Variants in CCDC85A observed in about 807,000 individuals in gnomAD.
CCDC85A encodes the protein coiled-coil domain containing 85A, also known as coiled-coil domain-containing protein 85A.
CCDC85A carries 38 observed loss-of-function variants against 50.2 expected under a neutral mutation model. The ratio of observed to expected loss-of-function variants is 0.76; its 90% CI spans 0.58 to 0.99. CCDC85A has a LOEUF of 0.99. Ranked by LOEUF, CCDC85A falls within the 50% of genes least tolerant of loss-of-function variation. The probability of loss-of-function intolerance (pLI) is 0.00; values close to 1 mark genes in which losing one functional copy is unlikely to be tolerated. For missense variants in CCDC85A, 820 were observed against 742.0 expected, an observed-to-expected ratio of 1.11 and a Z score of -1.22; for synonymous variants, 366 against 301.4, an observed-to-expected ratio of 1.21 and a Z score of -2.22.
chr2:56,236,633 A>G (rs79772040), intron 2 of CCDC85A, among the ~76,000 whole-genome samples: 1 of 152,182 alleles, frequency 6.6e-6, no homozygotes, highest in Admixed American at 6.5e-5. Flanking sequence ...TTTCCTTTCA[A>G]AATTTAAAAG....
chr2:56,279,284 A>T (rs1041599478), intron 2 of CCDC85A, among the ~76,000 whole-genome samples: 1 of 152,194 alleles, frequency 6.6e-6, no homozygotes, highest in Non-Finnish European at 1.5e-5. Context: ...TCACATATGC[A>T]GTTCACCCAC....
Position 56,384,268 on chromosome 2 carries a change from T to A in CCDC85A, c.1575T>A (p.Val525=), listed in dbSNP as rs1487848075. The change falls in exon 6 of 6, where the codon GTT becomes GTA. Residue 525 remains valine (V), a splice_region_variant and synonymous_variant. Coordinates refer to ENST00000407595, the MANE Select transcript of CCDC85A (RefSeq NM_001080433.2). The part of the protein sequence containing the change: ...QPEPVVHSLK[V]VWRKLGDAAG... ...CACTCCTTCTTTTTTTTTTTAAGGT[T>A]GTGTGGAGGAAACTTGGAGATGCTG... The A allele has an allele frequency of 6.2e-7, 1 of 1,610,672 alleles. No homozygotes were observed. The highest frequency in any genetic ancestry group is 8.5e-7 in the Non-Finnish European group (1 of 1,177,778).
chr2:56,347,812 T>C (rs1674704031), intron 3 of CCDC85A, among the ~76,000 whole-genome samples: 1 of 152,212 alleles, frequency 6.6e-6, no homozygotes, highest in Non-Finnish European at 1.5e-5. Flanking sequence ...TCAAAAACCT[T>C]GCTTAGCTCT....
At chr2:56,237,155 G>A (rs920750663) in intron 2 of CCDC85A, among the ~76,000 whole-genome samples, 4 of 152,012 alleles carry the variant, frequency 2.6e-5, no homozygotes, top group Non-Finnish European at 5.9e-5. Context: ...TCACCAAGAC[G>A]GCTAACTGCA....
At chr2:56,211,286 T>C (rs1287041965) in intron 2 of CCDC85A, among the ~76,000 whole-genome samples, 1 of 152,104 alleles carries the variant, frequency 6.6e-6, no homozygotes, top group Non-Finnish European at 1.5e-5. Flanking sequence ...GTAGATCCAC[T>C]GAAGTATGAG....
At chr2:56,205,481 A>G (rs769745903) in intron 2 of CCDC85A, among the ~76,000 whole-genome samples, 14 of 152,188 alleles carry the variant, frequency 9.2e-5, no homozygotes, top group Non-Finnish European at 1.6e-4. Flanking sequence ...GCCTTGACTA[A>G]TTAGGAAGCC....
chr2:56,373,422 A>T (rs1485652660), intron 4 of CCDC85A, among the ~76,000 whole-genome samples: 2 of 152,170 alleles, frequency 1.3e-5, no homozygotes, highest in Non-Finnish European at 2.9e-5. Flanking sequence ...TGGCCAGAAC[A>T]GGACTTTGTT....
At chr2:56,195,435 T>G (rs1178594514) in intron 2 of CCDC85A, among the ~76,000 whole-genome samples, 1 of 152,202 alleles carries the variant, frequency 6.6e-6, no homozygotes, top group East Asian at 1.9e-4. Flanking sequence ...CTACTTCAAG[T>G]TTTCTCATTC....
chr2:56,209,105 T>A (rs1490128653), intron 2 of CCDC85A, among the ~76,000 whole-genome samples: 3 of 152,114 alleles, frequency 2.0e-5, no homozygotes, highest in South Asian at 2.1e-4. Flanking sequence ...AGATTTGAAT[T>A]TGCTGCCTGA....
chr2:56,299,077 T>G (rs924541300), intron 2 of CCDC85A, among the ~76,000 whole-genome samples: 9 of 152,178 alleles, frequency 5.9e-5, no homozygotes, highest in African/African-American at 1.9e-4. Context: ...AATAAAGCTT[T>G]CCCCACCTGT....
At chr2:56,255,721 T>C (rs1250760638) in intron 2 of CCDC85A, among the ~76,000 whole-genome samples, 1 of 152,142 alleles carries the variant, frequency 6.6e-6, no homozygotes, top group African/African-American at 2.4e-5. Flanking sequence ...GATGGAATCA[T>C]GTGAGACTCT....
intron 2 of CCDC85A, among the ~76,000 whole-genome samples, chr2:56,233,865 G>T (rs1015996122): frequency 6.6e-5 from 10 of 152,030 alleles, no homozygotes; most frequent in African/African-American, 2.2e-4. Context: ...ATTCCATTTT[G>T]TTGAGTCCTG....
chr2:56,233,276 G>T (rs562316172), intron 2 of CCDC85A, among the ~76,000 whole-genome samples: 1 of 152,232 alleles, frequency 6.6e-6, no homozygotes, highest in African/African-American at 2.4e-5. Context: ...CATAACAGGG[G>T]ACTGAGGGGC....
intron 2 of CCDC85A, among the ~76,000 whole-genome samples, chr2:56,318,143 T>C (rs957141134): frequency 1.3e-5 from 2 of 152,158 alleles, no homozygotes; most frequent in Non-Finnish European, 2.9e-5. Flanking sequence ...ATCACTCAGC[T>C]GGTTTGAGAC....
intron 5 of CCDC85A, 117 bp from the exon 6 acceptor site, chr2:56,384,149 A>G: frequency 1.2e-6 from 1 of 838,630 alleles, no homozygotes; most frequent in South Asian, 1.6e-5. Context: ...TCATGTGGAT[A>G]TTTTGTCTCT....
At chr2:56,296,357 A>G (rs1346387791) in intron 2 of CCDC85A, among the ~76,000 whole-genome samples, 1 of 152,204 alleles carries the variant, frequency 6.6e-6, no homozygotes, top group Non-Finnish European at 1.5e-5. Context: ...TAACATACCT[A>G]CTGAAAAGTT....
At chr2:56,188,368 T>C (rs1453260948) in intron 1 of CCDC85A, among the ~76,000 whole-genome samples, 1 of 152,202 alleles carries the variant, frequency 6.6e-6, no homozygotes, top group African/African-American at 2.4e-5. Context: ...CAATACTCAC[T>C]CCTATCTACT....
intron 2 of CCDC85A, among the ~76,000 whole-genome samples, chr2:56,246,995 C>G (rs1282006987): frequency 2.0e-5 from 3 of 152,158 alleles, no homozygotes; most frequent in Non-Finnish European, 2.9e-5. Flanking sequence ...TTATAATTTT[C>G]AACATTTTTC....
Position 56,192,923 on chromosome 2 carries a change from G to T in CCDC85A, c.723G>T (p.Arg241=), listed in dbSNP as rs764835800. The change falls in exon 2 of 6, where the codon CGG becomes CGT. Residue 241 remains arginine (R), a synonymous_variant. Coordinates refer to ENST00000407595, the MANE Select transcript of CCDC85A (RefSeq NM_001080433.2). This position sits in a 1 kb window ranked among gnomAD's most constrained non-coding sequence, Gnocchi z 4.7. ...SGSPEHLQKP[R]SEGSPEHSKH... is the part of the protein sequence containing the mutation. ...GCCCGGAGCACCTGCAGAAGCCCCG[G>T]AGCGAGGGCAGCCCGGAGCACTCCA... The T allele has an allele frequency of 6.2e-7, 1 of 1,611,722 alleles. No homozygotes were observed. Among genetic ancestry groups the T allele is most frequent in the East Asian group, 2.2e-5 (1 of 44,736 alleles).
Sources: allele counts gnomAD v4.1 joint callset (sites outside exome capture counted in the v4.1 genomes callset), GRCh38; gene constraint gnomAD v4.1.1; non-coding constraint Gnocchi (gnomAD v3.1); transcripts MANE v1.5; gene names NCBI Gene and HGNC (gene_info 2026-07-23, HGNC 2026-07-21).